SFTPD: variants seen among roughly 807,000 people sequenced by gnomAD.
The protein encoded by SFTPD is pulmonary surfactant-associated protein D.
Under a neutral mutation model 34.6 loss-of-function variants are expected in SFTPD, and 18 were observed. The ratio of observed to expected loss-of-function variants is 0.52; its 90% CI spans 0.36 to 0.77. The LOEUF (loss-of-function observed/expected upper bound fraction) is 0.77, where lower values mean the gene tolerates loss of function less well. SFTPD is among the 30% of genes least tolerant of loss of function. The pLI, the probability that SFTPD is intolerant of heterozygous loss-of-function variation, is 0.00. For missense variants in SFTPD, 433 were observed against 468.9 expected, an observed-to-expected ratio of 0.92 and a Z score of 0.71; for synonymous variants, 155 against 180.9, an observed-to-expected ratio of 0.86 and a Z score of 1.15.
At chr10:79,977,006 C>T (rs1022800835) in intron 1 of SFTPD, among the ~76,000 whole-genome samples, 2 of 152,146 alleles carry the variant, frequency 1.3e-5, no homozygotes, top group Non-Finnish European at 2.9e-5. Context: ...TGCCTTTCTC[C>T]TCCCACCATA....
rs1017169503 is a variant in SFTPD at position 79,941,961 on chromosome 10, C to T, written c.543G>A (p.Gly181=). 1.2e-6 allele frequency: 2 copies of T among 1,606,588 alleles called. No homozygotes were observed. Among genetic ancestry groups the T allele is most frequent in the Non-Finnish European group, 1.7e-6 (2 of 1,173,624 alleles). ...GCTCTTTCCACTGCTCACCTGCTGCCCCTGTGTTTCCAGGGACTCCACGCT... is the reference window on the plus strand; with the variant it reads ...GCTCTTTCCACTGCTCACCTGCTGCTCCTGTGTTTCCAGGGACTCCACGCT... ...PGERGVPGNT[G]AAGSAGAMGP... is the part of the protein sequence containing the mutation. Residue 181 remains glycine (G), a synonymous_variant, in exon 5 of 8, where the codon GGG becomes GGA. Transcript: ENST00000372292.
At chr10:79,947,417 C>T (rs1291414701) in intron 1 of SFTPD, among the ~76,000 whole-genome samples, 1 of 152,158 alleles carries the variant, frequency 6.6e-6, no homozygotes, top group Non-Finnish European at 1.5e-5. Flanking sequence ...AGTCTGGGCA[C>T]GGTCGCTCAT....
chr10:79,970,351 T>G (rs1241464259), intron 1 of SFTPD: 1 of 152,196 alleles, frequency 6.6e-6, no homozygotes, highest in Non-Finnish European at 1.5e-5. Flanking sequence ...CATTGGTTAT[T>G]TGAAGTCTCC....
At chr10:79,947,506 A>G (rs1187623273) in intron 1 of SFTPD, among the ~76,000 whole-genome samples, 5 of 152,208 alleles carry the variant, frequency 3.3e-5, no homozygotes, top group African/African-American at 9.6e-5. Context: ...CCTGGCCAAC[A>G]TGGCAAAACC....
At chr10:79,959,339 A>C (rs1431396854) in intron 1 of SFTPD, among the ~76,000 whole-genome samples, 1 of 152,162 alleles carries the variant, frequency 6.6e-6, no homozygotes, top group African/African-American at 2.4e-5. Flanking sequence ...CCCTTCAAAA[A>C]ATTAATGAAT....
chr10:79,951,659 T>G (rs1420521830), upstream of SFTPD, among the ~76,000 whole-genome samples: 1 of 152,226 alleles, frequency 6.6e-6, no homozygotes, highest in African/African-American at 2.4e-5. Context: ...TATTTGGTTG[T>G]GCAATTCAAT....
intron 1 of SFTPD, chr10:79,968,958 CACTT>C (rs1431411576): frequency 2.0e-5 from 3 of 152,020 alleles, no homozygotes; most frequent in African/African-American, 7.3e-5. Context: ...TTTTTGGCCA[CACTT>C]ATTTTGAAAA....
At chr10:79,964,871 C>T (rs1178869527) in intron 1 of SFTPD, among the ~76,000 whole-genome samples, 2 of 152,122 alleles carry the variant, frequency 1.3e-5, no homozygotes, top group Non-Finnish European at 2.9e-5. Context: ...GGGTAGAGGC[C>T]TTTCCCACAG....
chr10:79,947,418 G>A (rs2255326), intron 1 of SFTPD, among the ~76,000 whole-genome samples: 32,524 of 152,154 alleles, frequency 0.21, 4,050 homozygotes, highest in South Asian at 0.35. Flanking sequence ...GTCTGGGCAC[G>A]GTCGCTCATG....
At chr10:79,941,283 A>G (rs1842608498) in intron 6 of SFTPD, 115 bp downstream of exon 6, 1 of 877,502 alleles carries the variant, frequency 1.1e-6, no homozygotes, top group African/African-American at 1.7e-5. Flanking sequence ...TCCACCCACC[A>G]GCTGCCATTA....
At chr10:79,956,382 A>G (rs1337832292) in intron 1 of SFTPD, among the ~76,000 whole-genome samples, 1 of 152,252 alleles carries the variant, frequency 6.6e-6, no homozygotes, top group African/African-American at 2.4e-5. Context: ...ACAAGGGGTC[A>G]GGGAGTTCCC....
chr10:79,977,728 T>C (rs1842870568), intron 1 of SFTPD, among the ~76,000 whole-genome samples: 1 of 152,270 alleles, frequency 6.6e-6, no homozygotes, highest in African/African-American at 2.4e-5. Flanking sequence ...ATCCACAGCC[T>C]ACTAAGGAGT....
intron 1 of SFTPD, among the ~76,000 whole-genome samples, chr10:79,978,976 G>A (rs1353558974): frequency 2.0e-5 from 3 of 152,074 alleles, no homozygotes; most frequent in South Asian, 2.1e-4. Context: ...CCAAAAAACT[G>A]TTAGAATAAA....
upstream of SFTPD, chr10:79,949,933 C>T (rs1333566318): frequency 1.3e-5 from 2 of 151,760 alleles, no homozygotes; most frequent in Non-Finnish European, 2.9e-5. Flanking sequence ...TCACTGCAGC[C>T]TCAAACTCCT....
intron 1 of SFTPD, among the ~76,000 whole-genome samples, chr10:79,946,958 C>T (rs1387505592): frequency 6.6e-6 from 1 of 152,216 alleles, no homozygotes; most frequent in Non-Finnish European, 1.5e-5. Flanking sequence ...AAGTTTGGCA[C>T]AGTGGCTAGG....
In SFTPD at chr10:79,942,448, T is replaced by C; in HGVS notation, c.373A>G (p.Lys125Glu). ...CCCTGAGGTCCTATGTTCCCCTGCT[T>C]CCCCAGGGGACCTTCTCTTCCAGCT... ...GPAGREGPLG[K>E]QGNIGPQGKP... Residue 125 changes from lysine (K) to glutamate (E), a missense_variant, in exon 4 of 8, where the codon AAG (lysine) becomes GAG (glutamate). Lys to Glu is a moderately conservative substitution (Grantham distance 56, BLOSUM62 1). Coordinates refer to ENST00000372292, the MANE Select transcript of SFTPD (RefSeq NM_003019.5). The C allele has an allele frequency of 6.8e-6, 11 of 1,613,494 alleles. No homozygotes were observed. The highest frequency in any genetic ancestry group is 9.3e-6 in the Non-Finnish European group (11 of 1,179,564).
intron 1 of SFTPD, among the ~76,000 whole-genome samples, chr10:79,981,562 A>G (rs1842890358): frequency 6.6e-6 from 1 of 151,732 alleles, no homozygotes; most frequent in South Asian, 2.1e-4. Context: ...GCCCAGGGGG[A>G]GCGAGGCGAC....
At position 79,946,467 on chromosome 10, in the gene SFTPD, C is replaced by G; in HGVS notation, c.193G>C (p.Asp65His). The G allele has an allele frequency of 6.2e-7, 1 of 1,613,372 alleles. No homozygotes were observed. Among genetic ancestry groups the G allele is most frequent in the Non-Finnish European group, 8.5e-7 (1 of 1,179,462 alleles). Residue 65 changes from aspartate (D) to histidine (H), a missense_variant, in exon 2 of 8, where the codon GAC (aspartate) becomes CAC (histidine). Coordinates refer to ENST00000372292, the MANE Select transcript of SFTPD (RefSeq NM_003019.5). ...GCCCAGGGCCCCACCCTACCTGGGT[C>G]CCCCTTCTCGCCCCGAGGGCCCTCT... ...GREGPRGEKG[D>H]PGLPGAAGQA... is the part of the protein sequence containing the mutation.
At chr10:79,968,506 T>C (rs1842816102) in intron 1 of SFTPD, 1 of 152,236 alleles carries the variant, frequency 6.6e-6, no homozygotes, top group Non-Finnish European at 1.5e-5. Flanking sequence ...TATTCTTTTT[T>C]ATAGCTGTGT....
Sources: allele counts gnomAD v4.1 joint callset (sites outside exome capture counted in the v4.1 genomes callset), GRCh38; gene constraint gnomAD v4.1.1; transcripts MANE v1.5; gene names NCBI Gene and HGNC (gene_info 2026-07-23, HGNC 2026-07-21).